DHX57: variants seen among roughly 807,000 people sequenced by gnomAD.
DHX57 encodes DExH-box helicase 57.
A neutral mutation model predicts 156.2 loss-of-function variants in DHX57; 105 were observed. That is an observed-to-expected ratio of 0.67 (90% CI 0.57 to 0.79). The LOEUF (loss-of-function observed/expected upper bound fraction) is 0.79, where lower values mean the gene tolerates loss of function less well. Ranked by LOEUF, DHX57 falls within the 30% of genes least tolerant of loss-of-function variation. The pLI is 0.00. For synonymous variants in DHX57, 704 were observed against 595.6 expected, an observed-to-expected ratio of 1.18 and a Z score of -2.65; for missense variants, 1,847 against 1,661.9, an observed-to-expected ratio of 1.11 and a Z score of -1.94.
chr2:38,869,746 C>T (rs1269067781), intron 1 of DHX57, among the ~76,000 whole-genome samples: 2 of 152,208 alleles, frequency 1.3e-5, no homozygotes, highest in Non-Finnish European at 2.9e-5. Flanking sequence ...AGAGTTGTTA[C>T]AGTATGTTAT....
chr2:38,821,462 G>A (rs764849748), intron 17 of DHX57, among the ~76,000 whole-genome samples: 26 of 152,164 alleles, frequency 1.7e-4, no homozygotes, highest in Middle Eastern at 6.3e-3. Context: ...TTGGGAGGCT[G>A]AGGCAGGCAG....
intron 14 of DHX57, 59 bp downstream of exon 14, chr2:38,828,281 T>C: frequency 7.6e-7 from 1 of 1,318,930 alleles, no homozygotes; most frequent in South Asian, 1.3e-5. Flanking sequence ...AAGAGGGTGA[T>C]GATATCTTTA....
At chr2:38,820,128 T>C (rs1468993900) in intron 17 of DHX57, among the ~76,000 whole-genome samples, 1 of 152,236 alleles carries the variant, frequency 6.6e-6, no homozygotes, top group Non-Finnish European at 1.5e-5. Context: ...CTAATTTTTG[T>C]ATATTTAAAT....
chr2:38,866,746 T>C (rs1212205606), intron 2 of DHX57, among the ~76,000 whole-genome samples: 1 of 152,200 alleles, frequency 6.6e-6, no homozygotes, highest in African/African-American at 2.4e-5. Flanking sequence ...TGAAAAACTA[T>C]GGAGCTGCAG....
intron 2 of DHX57, among the ~76,000 whole-genome samples, 166 bp downstream of exon 2, chr2:38,868,016 A>G (rs1344711271): frequency 1.3e-5 from 2 of 152,198 alleles, no homozygotes; most frequent in East Asian, 3.8e-4. Context: ...ACCTACATAC[A>G]CACAAAAGCT....
intron 21 of DHX57, chr2:38,811,003 C>T: frequency 1.3e-6 from 1 of 758,482 alleles, no homozygotes; most frequent in Non-Finnish European, 2.3e-6. Context: ...TTTACTCAGT[C>T]TTGAAAATGT....
chr2:38,851,684 A>G (rs1350683400), intron 9 of DHX57, among the ~76,000 whole-genome samples: 1 of 152,158 alleles, frequency 6.6e-6, no homozygotes, highest in Non-Finnish European at 1.5e-5. Context: ...CTATGTTCTC[A>G]TTTCTTCAAG....
chr2:38,801,414 T>C (rs1007787792), intron 23 of DHX57, among the ~76,000 whole-genome samples: 2 of 151,460 alleles, frequency 1.3e-5, no homozygotes, highest in South Asian at 2.1e-4. Context: ...ATCTATCTAT[T>C]TATTTATTTA....
intron 11 of DHX57, among the ~76,000 whole-genome samples, chr2:38,846,556 G>A (rs1393793028): frequency 6.6e-6 from 1 of 150,576 alleles, no homozygotes; most frequent in Non-Finnish European, 1.5e-5. Flanking sequence ...ATTCGAGGCT[G>A]CAGTGAGCTA....
intron 19 of DHX57, chr2:38,816,223 T>G (rs1320540011): frequency 2.1e-6 from 1 of 470,066 alleles, no homozygotes; most frequent in East Asian, 6.9e-5. Flanking sequence ...TCAATATTTT[T>G]TTTTTTTTTG....
chr2:38,813,183 A>G (rs964956928), intron 21 of DHX57, among the ~76,000 whole-genome samples: 10 of 151,710 alleles, frequency 6.6e-5, no homozygotes, highest in Admixed American at 3.9e-4. Context: ...TGTAAGATAA[A>G]CTGTAGTTGA....
At chr2:38,851,430 C>G (rs981484510) in intron 9 of DHX57, among the ~76,000 whole-genome samples, 1 of 152,008 alleles carries the variant, frequency 6.6e-6, no homozygotes, top group Non-Finnish European at 1.5e-5. Context: ...ATTTTTGTTC[C>G]TAGATTTTAT....
At chr2:38,811,214 G>C (rs1263806037) in intron 21 of DHX57, 1 of 494,136 alleles carries the variant, frequency 2.0e-6, no homozygotes, top group Non-Finnish European at 3.9e-6. Context: ...GCGGCCCTTG[G>C]ACTGGTTGTA....
At chr2:38,811,268 G>T in intron 21 of DHX57, 2 of 516,758 alleles carry the variant, frequency 3.9e-6, no homozygotes, top group Admixed American at 2.3e-5. Context: ...AATCTGGGGG[G>T]CCAGCGAGTA....
At chr2:38,853,970 C>A in intron 9 of DHX57, 84 bp downstream of exon 9, 1 of 1,364,096 alleles carries the variant, frequency 7.3e-7, no homozygotes, top group Non-Finnish European at 9.9e-7. Flanking sequence ...CTGCATGAAA[C>A]TGAATTGGAA....
intron 17 of DHX57, 134 bp from the exon 18 acceptor site, chr2:38,819,278 A>C: frequency 1.3e-6 from 1 of 766,568 alleles, no homozygotes. Flanking sequence ...AGGCTTAAGC[A>C]ATCCTCCTGC....
chr2:38,857,836 A>T (rs1002840828), intron 6 of DHX57, among the ~76,000 whole-genome samples: 1 of 152,234 alleles, frequency 6.6e-6, no homozygotes, highest in Non-Finnish European at 1.5e-5. Flanking sequence ...TGAGTCTTTG[A>T]AACAGGGTAA....
chr2:38,834,733 C>T (rs1345033897), intron 13 of DHX57, among the ~76,000 whole-genome samples: 1 of 152,052 alleles, frequency 6.6e-6, no homozygotes, highest in East Asian at 1.9e-4. Flanking sequence ...ATATGTTCCG[C>T]AGATGGAGGT....
At chr2:38,824,398 G>C (rs1670986876) in intron 16 of DHX57, among the ~76,000 whole-genome samples, 1 of 152,150 alleles carries the variant, frequency 6.6e-6, no homozygotes, top group Admixed American at 6.6e-5. Context: ...TAAAGTTTCA[G>C]TTTTGCAAAA....
Sources: allele counts gnomAD v4.1 joint callset (sites outside exome capture counted in the v4.1 genomes callset), GRCh38; gene constraint gnomAD v4.1.1; transcripts MANE v1.5; gene names NCBI Gene and HGNC (gene_info 2026-07-23, HGNC 2026-07-21).